MTMR1: variants seen among roughly 807,000 people sequenced by gnomAD.
MTMR1 encodes myotubularin related protein 1.
In MTMR1, 17 loss-of-function variants were observed where a neutral mutation model predicts 51.6. The ratio of observed to expected loss-of-function variants is 0.33; its 90% confidence interval spans 0.23 to 0.49. The LOEUF (loss-of-function observed/expected upper bound fraction) is 0.49, where lower values mean the gene tolerates loss of function less well. Among genes scored for constraint, MTMR1 ranks in the 20% least tolerant of loss-of-function variants. The pLI, the probability that MTMR1 is intolerant of heterozygous loss-of-function variation, is 0.99. For synonymous variants in MTMR1, 201 were observed against 205.6 expected (o/e 0.98, Z 0.19); for missense variants, 386 against 526.9 (o/e 0.73, Z 2.62).
At chrX:150,718,101 A>G (rs782585330) in intron 3 of MTMR1, among the ~76,000 whole-genome samples, 8 of 112,798 alleles carry the variant, frequency 7.1e-5, no homozygotes, top group African/African-American at 2.3e-4. Context: ...GCTGGGCTGC[A>G]GTAGCAAAGC....
At position 150,735,325 on chromosome X, in the gene MTMR1, C is replaced by T. The variant is rs1183613663; in HGVS notation, c.1081-1270C>T. 2.4e-5 allele frequency: 8 copies of T among 330,864 alleles called. No homozygotes were observed. In the Admixed American group the frequency reaches 4.0e-4, roughly 16 times the overall value. The allele number at this position is 330,864 out of a possible 1,213,427, so 27.3% of individuals were successfully genotyped here. On this transcript the variant is annotated intron_variant, in intron 10 of 15. Coordinates refer to ENST00000445323, the MANE Select transcript of MTMR1 (RefSeq NM_001306144.3). ...CTCCTTACATTCCTGGGATAAATCC[C>T]ACCCGTTCATGGTATGTGATCAGTC...
At chrX:150,712,883 A>C in intron 3 of MTMR1, 1 of 774,548 alleles carries the variant, frequency 1.3e-6, no homozygotes, top group African/African-American at 2.3e-5. Context: ...ATTTTTTAAA[A>C]TACAGATATA....
chrX:150,698,608 G>A (rs189531977), intron 1 of MTMR1, among the ~76,000 whole-genome samples: 1 of 109,272 alleles, frequency 9.2e-6, no homozygotes, highest in East Asian at 2.9e-4. Flanking sequence ...AGGCTAAGGC[G>A]GGTGGGTCAC....
chrX:150,723,932 C>T (rs375314011), intron 4 of MTMR1, among the ~76,000 whole-genome samples: 37 of 112,105 alleles, frequency 3.3e-4, no homozygotes, highest in African/African-American at 1.2e-3. Context: ...TTTATGGCTG[C>T]AAAATTCCGT....
intron 14 of MTMR1, among the ~76,000 whole-genome samples, chrX:150,752,629 T>C (rs1195635625): frequency 3.9e-4 from 18 of 46,642 alleles, no homozygotes; most frequent in Non-Finnish European, 6.2e-4. Context: ...ATCTTGTTTT[T>C]TTTTTTTTTT....
intron 2 of MTMR1, among the ~76,000 whole-genome samples, chrX:150,704,816 C>T (rs1458279924): frequency 1.8e-5 from 2 of 111,218 alleles, no homozygotes; most frequent in Non-Finnish European, 3.8e-5. Context: ...CATAATGCCC[C>T]AAATGTGCAG....
At chrX:150,698,674 G>GCACA (rs1264680068) in intron 1 of MTMR1, among the ~76,000 whole-genome samples, 846 of 61,079 alleles carry the variant, frequency 0.014, 8 homozygotes, top group South Asian at 0.032. Context: ...CTGTCTACAC[G>GCACA]CGCGCGCACA....
chrX:150,742,393 T>G (rs1390009992), intron 12 of MTMR1, among the ~76,000 whole-genome samples: 1 of 111,917 alleles, frequency 8.9e-6, no homozygotes, highest in Non-Finnish European at 1.9e-5. Context: ...CCATTGGATA[T>G]GCAGTCATCA....
intron 1 of MTMR1, among the ~76,000 whole-genome samples, chrX:150,695,908 C>T (rs2040654203): frequency 9.0e-6 from 1 of 111,563 alleles, no homozygotes; most frequent in Non-Finnish European, 1.9e-5. Context: ...AGTGACCCGA[C>T]ATGGTGAGCA....
intron 4 of MTMR1, among the ~76,000 whole-genome samples, chrX:150,722,651 GTTCT>G (rs1236791877): frequency 9.0e-6 from 1 of 110,548 alleles, no homozygotes; most frequent in Non-Finnish European, 1.9e-5. Context: ...CATATAGTTG[GTTCT>G]TTCTTTTGTC....
At chrX:150,699,447 C>G (rs1424107090) in intron 2 of MTMR1, 147 bp downstream of exon 2, 1 of 371,561 alleles carries the variant, frequency 2.7e-6, no homozygotes, top group Non-Finnish European at 4.5e-6. Context: ...GTTGTTAGAT[C>G]TGAAATGTAG....
rs782544420 is a variant in MTMR1, at chrX:150,755,721, G to A, written c.1713G>A (p.Ser571=). 52 of 1,199,830 alleles carry A rather than the reference G, an allele frequency of 4.3e-5. No individual in the cohort carries two copies. The highest frequency in any genetic ancestry group is 1.6e-4 in the African/African-American group (9 of 56,377). ...DVYTKTISLW[S]YINSQLDEFS... ...ATACAAAGACGATATCTTTATGGTCGTATATCAATAGCCAGCTAGACGAGT... is the reference window on the plus strand; with the variant it reads ...ATACAAAGACGATATCTTTATGGTCATATATCAATAGCCAGCTAGACGAGT... Residue 571 remains serine, a synonymous_variant, in exon 15 of 16, where the codon TCG becomes TCA. Coordinates refer to ENST00000445323, the MANE Select transcript of MTMR1 (RefSeq NM_001306144.3).
At chrX:150,739,932 CTACTT>C (rs1286723010) in intron 12 of MTMR1, among the ~76,000 whole-genome samples, 4 of 111,750 alleles carry the variant, frequency 3.6e-5, no homozygotes, top group African/African-American at 9.8e-5. Flanking sequence ...TCTGTGTACT[CTACTT>C]TACCTGGAGT....
In MTMR1 at chrX:150,714,573, G is replaced by A. The variant is rs1427965195; in HGVS notation, c.276+2208G>A. ...TCATCTGTTTGTAGCTACAGATCGT[G>A]TATTTAGAAGCCATTTCATTCTAGA... On this transcript the variant is annotated intron_variant, in intron 3 of 15. Coordinates refer to ENST00000445323, the MANE Select transcript of MTMR1 (RefSeq NM_001306144.3). The A allele has an allele frequency of 8.9e-6, 8 of 903,571 alleles. No homozygotes were observed. In the Admixed American group the frequency reaches 2.5e-4, roughly 28 times the overall value. The allele number at this position is 903,571 out of a possible 1,213,427, so 74.5% of individuals were successfully genotyped here.
intron 1 of MTMR1, among the ~76,000 whole-genome samples, chrX:150,697,933 T>G (rs1386964432): frequency 8.9e-6 from 1 of 111,906 alleles, no homozygotes; most frequent in Non-Finnish European, 1.9e-5. Flanking sequence ...CCTCTGTGCC[T>G]CGATTTTCTC....
intron 9 of MTMR1, 71 bp downstream of exon 9, chrX:150,731,690 CAAAA>C: frequency 1.1e-6 from 1 of 948,237 alleles, no homozygotes; most frequent in Non-Finnish European, 1.4e-6. Flanking sequence ...AGATTTAAGA[CAAAA>C]AAGAAACTAG....
In MTMR1 at chrX:150,758,777, C is replaced by G. The variant is rs1195269330; in HGVS notation, c.1857+2912C>G. 4.8e-5 allele frequency among the ~76,000 whole-genome samples: 5 copies of G among 104,256 alleles called. No homozygotes were observed. In the East Asian group the frequency reaches 1.2e-3, roughly 25 times the overall value. The allele number at this position is 104,256 out of a possible 115,157, so 90.5% of individuals were successfully genotyped here. ...CACCACTGCATTCCAGCCTGGGCGA[C>G]AGAGTGAGACTCCGTCTCAAAAAAA... On this transcript the variant is annotated intron_variant, in intron 15 of 15. Coordinates refer to ENST00000445323, the MANE Select transcript of MTMR1 (RefSeq NM_001306144.3).
chrX:150,712,888 G>A, intron 3 of MTMR1: 1 of 810,181 alleles, frequency 1.2e-6, no homozygotes, highest in Non-Finnish European at 1.6e-6. Context: ...TTAAAATACA[G>A]ATATAGTGGG....
At chrX:150,738,053 C>T (rs2042325922) in intron 12 of MTMR1, among the ~76,000 whole-genome samples, 1 of 111,734 alleles carries the variant, frequency 8.9e-6, no homozygotes, top group Non-Finnish European at 1.9e-5. Context: ...GGCAACAGAG[C>T]AAAACTCCGT....
Sources: allele counts gnomAD v4.1 joint callset (sites outside exome capture counted in the v4.1 genomes callset), GRCh38; gene constraint gnomAD v4.1.1; transcripts MANE v1.5; gene names NCBI Gene and HGNC (gene_info 2026-07-23, HGNC 2026-07-21).